The following OOEP variants were observed in gnomAD, a reference collection of about 807,000 sequenced individuals.
OOEP encodes oocyte expressed protein, also known as oocyte-expressed protein homolog.
Under a neutral mutation model 13.7 loss-of-function variants are expected in OOEP, and 16 were observed. The observed-to-expected ratio is 1.16, with a 90% CI of 0.79 to 1.77. The LOEUF (loss-of-function observed/expected upper bound fraction) is 1.77, where lower values mean the gene tolerates loss of function less well. Ranked by LOEUF, OOEP falls within the 40% of genes most tolerant of loss-of-function variation. OOEP has a pLI of 0.00. For synonymous variants in OOEP, 89 were observed against 77.1 expected, an observed-to-expected ratio of 1.15 and a Z score of -0.81; for missense variants, 195 against 193.1, an observed-to-expected ratio of 1.01 and a Z score of -0.06.
intron 2 of OOEP, among the ~76,000 whole-genome samples, chr6:73,382,850 C>CTTTTT (rs765716551): frequency 5.9e-5 from 6 of 102,264 alleles, no homozygotes; most frequent in African/African-American, 7.7e-5. Context: ...TGGTTTTTAA[C>CTTTTT]TTTTTTTTTT....
chr6:73,395,157 T>A, upstream of OOEP: 1 of 1,607,782 alleles, frequency 6.2e-7, no homozygotes, highest in Non-Finnish European at 8.5e-7. Flanking sequence ...CGGTAATCGG[T>A]GAGAATGGGA....
At chr6:73,390,714 C>T (rs1196216984) in intron 2 of OOEP, among the ~76,000 whole-genome samples, 1 of 150,408 alleles carries the variant, frequency 6.6e-6, no homozygotes, top group South Asian at 2.1e-4. Context: ...GTAGCTGGAG[C>T]TATAAGCATG....
chr6:73,393,111 A>C (rs530773874), intron 2 of OOEP, among the ~76,000 whole-genome samples: 2 of 151,812 alleles, frequency 1.3e-5, no homozygotes, highest in African/African-American at 2.4e-5. Context: ...CTGAAAAAAA[A>C]AAAATTTTTT....
intron 2 of OOEP, among the ~76,000 whole-genome samples, chr6:73,386,977 G>GAAAAAAAA (rs1169476638): frequency 2.9e-4 from 9 of 30,882 alleles, no homozygotes; most frequent in Non-Finnish European, 4.0e-4. Flanking sequence ...TTCCATCTCA[G>GAAAAAAAA]AAAAAAAAAA....
chr6:73,394,719 T>C, exon 1 of OOEP: 1 of 817,404 alleles, frequency 1.2e-6, no homozygotes, highest in Non-Finnish European at 1.9e-6. Context: ...CAACGCTCAC[T>C]GGCCAATGGC....
In OOEP at chr6:73,369,064, C is replaced by T. The variant is rs541454959; in HGVS notation, c.370+142G>A. ...AAGGTCCTACCCCAGGATCCCCTCC[C>T]AACAAACTTCGTACAGCTAGCTCCC... On this transcript the variant is annotated intron_variant, in intron 2 of 2. Transcript: ENST00000370359. 8.7e-6 allele frequency: 8 copies of T among 922,582 alleles called. No homozygotes were observed. The African/African-American group carries it at 1.3e-4, about 15-fold the overall frequency. The allele number at this position is 922,582 out of a possible 1,614,324, so 57.1% of individuals were successfully genotyped here. A position where few individuals can be genotyped will look rare whatever the true frequency, so the allele number is the denominator to read the frequency against.
exon 1 of OOEP, chr6:73,394,900 G>C (rs746291231): frequency 1.2e-6 from 2 of 1,613,694 alleles, no homozygotes. Flanking sequence ...GCCCCTTCTT[G>C]GAACAATGTC....
chr6:73,388,343 CAG>C (rs1471098232), intron 2 of OOEP, among the ~76,000 whole-genome samples: 1 of 152,056 alleles, frequency 6.6e-6, no homozygotes, highest in Non-Finnish European at 1.5e-5. Flanking sequence ...GGGGAAAAGT[CAG>C]AGTGCAAAAT....
At chr6:73,379,666 C>G (rs1490190384) in intron 2 of OOEP, among the ~76,000 whole-genome samples, 1 of 109,994 alleles carries the variant, frequency 9.1e-6, no homozygotes, top group Non-Finnish European at 1.9e-5. Flanking sequence ...AAAAAAGTGG[C>G]CTTATTTTAC....
At chr6:73,373,348 A>C (rs1397252750), upstream of OOEP, 11 of 1,335,066 alleles carry the variant, frequency 8.2e-6, no homozygotes, top group African/African-American at 1.0e-4. Flanking sequence ...TTTTTGAGAC[A>C]GGGTCTCACT....
At chr6:73,371,588 A>T (rs1769056694), upstream of OOEP, among the ~76,000 whole-genome samples, 2 of 152,006 alleles carry the variant, frequency 1.3e-5, no homozygotes, top group Admixed American at 1.3e-4. Flanking sequence ...GTCTGTACTA[A>T]AAATACAAAA....
At chr6:73,384,508 G>A (rs1000110584) in intron 2 of OOEP, among the ~76,000 whole-genome samples, 4 of 152,140 alleles carry the variant, frequency 2.6e-5, no homozygotes, top group Non-Finnish European at 5.9e-5. Context: ...CAATATTCCT[G>A]AGTAATAAAG....
At chr6:73,392,399 G>C (rs541652654) in intron 2 of OOEP, among the ~76,000 whole-genome samples, 1 of 152,026 alleles carries the variant, frequency 6.6e-6, no homozygotes, top group Non-Finnish European at 1.5e-5. Flanking sequence ...CTGCCTCCCA[G>C]GTTCAAGCAA....
intron 2 of OOEP, among the ~76,000 whole-genome samples, chr6:73,388,606 G>A (rs192784061): frequency 2.0e-3 from 300 of 152,314 alleles, no homozygotes; most frequent in African/African-American, 6.9e-3. Flanking sequence ...GAGAGGCAAA[G>A]TGGCAGAACA....
At chr6:73,377,970 C>T (rs1203936336) in intron 2 of OOEP, among the ~76,000 whole-genome samples, 1 of 152,220 alleles carries the variant, frequency 6.6e-6, no homozygotes, top group Non-Finnish European at 1.5e-5. Context: ...GCCACCACCG[C>T]ACCTACAACC....
chr6:73,369,875 T>C lies in OOEP; in HGVS notation c.-83A>G. 1 of 1,329,030 alleles carries C rather than the reference T, an allele frequency of 7.5e-7. No individual in the cohort carries two copies. Among genetic ancestry groups the C allele is most frequent in the Non-Finnish European group, 1.1e-6 (1 of 952,272 alleles). 82.3% of individuals were successfully genotyped at this position (1,329,030 alleles called of 1,614,324 possible). A position where few individuals can be genotyped will look rare whatever the true frequency, so the allele number is the denominator to read the frequency against. On this transcript the variant is annotated 5_prime_UTR_variant, in exon 1 of 3. Transcript: ENST00000370359. ...ACCCAGGCGCGAAGCTCGGGCTCTCTTTTACCATATTCGACCCGCTCCGCC... is the reference window on the plus strand; with the variant it reads ...ACCCAGGCGCGAAGCTCGGGCTCTCCTTTACCATATTCGACCCGCTCCGCC...
At chr6:73,394,105 T>C (rs1047655000) in intron 2 of OOEP, among the ~76,000 whole-genome samples, 7 of 151,726 alleles carry the variant, frequency 4.6e-5, no homozygotes, top group Non-Finnish European at 1.0e-4. Flanking sequence ...CTATGGGAGG[T>C]GGAGGTGGGA....
upstream of OOEP, among the ~76,000 whole-genome samples, chr6:73,372,023 G>A (rs1769065954): frequency 6.6e-6 from 1 of 152,020 alleles, no homozygotes; most frequent in East Asian, 1.9e-4. Flanking sequence ...CTAGCAGATC[G>A]CTTAAGCCAA....
At chr6:73,376,554 C>G (rs1769142796) in intron 2 of OOEP, among the ~76,000 whole-genome samples, 1 of 151,922 alleles carries the variant, frequency 6.6e-6, no homozygotes, top group Non-Finnish European at 1.5e-5. Context: ...CTTACTGCAA[C>G]CTCCACCTCC....
Sources: gnomAD v4.1 joint callset for allele counts (sites outside exome capture counted in the v4.1 genomes callset) on GRCh38, gnomAD v4.1.1 for gene constraint, MANE v1.5 for transcripts, NCBI Gene and HGNC (gene_info 2026-07-23, HGNC 2026-07-21) for gene names.